PDLIM5: variants seen among roughly 807,000 people sequenced by gnomAD.
The protein encoded by PDLIM5 is PDZ and LIM domain 5.
A neutral mutation model predicts 64.2 loss-of-function variants in PDLIM5; 34 were observed. The observed-to-expected ratio is 0.53, with a 90% CI of 0.40 to 0.71. PDLIM5 has a LOEUF of 0.71. PDLIM5 is among the 30% of genes least tolerant of loss of function. PDLIM5 has a pLI of 0.00. For synonymous variants in PDLIM5, 253 were observed against 269.1 expected, an observed-to-expected ratio of 0.94 and a Z score of 0.59; for missense variants, 683 against 733.6, an observed-to-expected ratio of 0.93 and a Z score of 0.80.
chr4:94,500,102 A>G (rs954601370), intron 2 of PDLIM5, among the ~76,000 whole-genome samples: 1 of 152,176 alleles, frequency 6.6e-6, no homozygotes, highest in African/African-American at 2.4e-5. Flanking sequence ...GCATGACCAT[A>G]CTTTTCATAT....
At chr4:94,572,679 T>G (rs886564506) in intron 3 of PDLIM5, among the ~76,000 whole-genome samples, 3 of 152,206 alleles carry the variant, frequency 2.0e-5, no homozygotes, top group Non-Finnish European at 2.9e-5. Context: ...TCCACACTTA[T>G]TACTGATGAC....
In PDLIM5 at chr4:94,575,680, C is replaced by T. The variant is rs116676966; in HGVS notation, c.356C>T (p.Ser119Phe). The stretch of plus-strand genomic sequence containing the variant: ...TCTCCTGCTGTGTCCAAAGTCACTT[C>T]CACAAACAACATGGCCTACAATAAG... Reference protein sequence around the residue: ...ITSPAVSKVTSTNNMAYNKAP... With the variant: ...ITSPAVSKVTFTNNMAYNKAP... Residue 119 changes from serine to phenylalanine, a missense_variant, in exon 5 of 13, where the codon TCC becomes TTC. By Grantham distance (155) the Ser-to-Phe change is radical (BLOSUM62 -2). Coordinates refer to ENST00000317968, the MANE Select transcript of PDLIM5 (RefSeq NM_006457.5). 1 of 1,612,808 alleles carries T rather than the reference C, an allele frequency of 6.2e-7. No individual in the cohort carries two copies. Among genetic ancestry groups the T allele is most frequent in the Non-Finnish European group, 8.5e-7 (1 of 1,179,166 alleles).
At chr4:94,572,161 G>C (rs542093953) in intron 3 of PDLIM5, among the ~76,000 whole-genome samples, 3 of 152,166 alleles carry the variant, frequency 2.0e-5, no homozygotes, top group East Asian at 3.9e-4. Flanking sequence ...ATGGTTTATA[G>C]CTTAAAATGA....
intron 8 of PDLIM5, among the ~76,000 whole-genome samples, chr4:94,634,614 C>T (rs1324344661): frequency 6.6e-6 from 1 of 151,990 alleles, no homozygotes; most frequent in Non-Finnish European, 1.5e-5. Context: ...TTATTTGAAC[C>T]ACAGAATCAA....
intron 3 of PDLIM5, among the ~76,000 whole-genome samples, chr4:94,549,017 C>T (rs976699124): frequency 1.3e-5 from 2 of 151,812 alleles, no homozygotes; most frequent in African/African-American, 4.8e-5. Flanking sequence ...TACTCAGGAT[C>T]TACACGAGGT....
At chr4:94,504,452 A>G (rs1728210778) in intron 2 of PDLIM5, among the ~76,000 whole-genome samples, 1 of 151,728 alleles carries the variant, frequency 6.6e-6, no homozygotes, top group African/African-American at 2.4e-5. Context: ...ACGCCTGGCT[A>G]ATTTTTGTAT....
At chr4:94,621,274 A>G (rs1739221245) in intron 8 of PDLIM5, among the ~76,000 whole-genome samples, 1 of 152,138 alleles carries the variant, frequency 6.6e-6, no homozygotes, top group Non-Finnish European at 1.5e-5. Flanking sequence ...TTAGTCTCTG[A>G]AATTTCTGGA....
At chr4:94,577,506 A>C (rs190939607) in intron 5 of PDLIM5, 1 of 350,226 alleles carries the variant, frequency 2.9e-6, no homozygotes, top group East Asian at 8.1e-5. Flanking sequence ...AGTATCCTTC[A>C]AAAAAGAATG....
At chr4:94,536,240 T>C (rs74640623) in intron 3 of PDLIM5, among the ~76,000 whole-genome samples, 4 of 151,958 alleles carry the variant, frequency 2.6e-5, no homozygotes, top group Admixed American at 1.3e-4. Flanking sequence ...GTAGCAGAGA[T>C]AGAAAATCCC....
chr4:94,641,222 TC>T (rs2110460171), intron 9 of PDLIM5, among the ~76,000 whole-genome samples: 1 of 152,354 alleles, frequency 6.6e-6, no homozygotes, highest in African/African-American at 2.4e-5. Context: ...TCTCAAGCTC[TC>T]TTCTTTTTAA....
intron 2 of PDLIM5, among the ~76,000 whole-genome samples, chr4:94,475,117 G>C (rs1725210001): frequency 6.6e-6 from 1 of 150,986 alleles, no homozygotes; most frequent in African/African-American, 2.4e-5. Context: ...TTACCCTTTG[G>C]GTCAATGAAA....
intron 2 of PDLIM5, among the ~76,000 whole-genome samples, chr4:94,495,903 C>T (rs1727346537): frequency 6.6e-6 from 1 of 152,160 alleles, no homozygotes; most frequent in South Asian, 2.1e-4. Flanking sequence ...CCTGAATAGC[C>T]TGCTATGCAG....
intron 11 of PDLIM5, among the ~76,000 whole-genome samples, chr4:94,661,208 C>T (rs6822544): frequency 0.3 from 46,229 of 151,892 alleles, 7,376 homozygotes; most frequent in Non-Finnish European, 0.36. Context: ...GGGCAGCCTA[C>T]GAAGACCCTG....
intron 3 of PDLIM5, among the ~76,000 whole-genome samples, chr4:94,568,619 G>A: frequency 6.6e-6 from 1 of 150,928 alleles, no homozygotes; most frequent in Non-Finnish European, 1.5e-5. Flanking sequence ...GTGGACATGA[G>A]GCACAATGGG....
In PDLIM5 at chr4:94,665,497, AAAAAAAAAAGAG is replaced by A. The variant is rs1294716808; in HGVS notation, c.*1432_*1443del. On this transcript the variant is annotated 3_prime_UTR_variant, in exon 13 of 13. Transcript: ENST00000317968. The stretch of plus-strand genomic sequence containing the variant: ...TCCGGCTCTTAAAAAAAAAAAAAAA[AAAAAAAAAAGAG>A]AGAGAGAGAATAAATAGAAAAGAAT... The A allele has an allele frequency of 2.9e-5, 23 of 790,372 alleles. No homozygotes were observed. Among genetic ancestry groups the A allele is most frequent in the Non-Finnish European group, 3.2e-5 (21 of 658,528 alleles). The allele number at this position is 790,372 out of a possible 1,614,324, so 49.0% of individuals were successfully genotyped here. A position where few individuals can be genotyped will look rare whatever the true frequency, so the allele number is the denominator to read the frequency against.
chr4:94,529,792 T>G (rs1730696787), intron 3 of PDLIM5, among the ~76,000 whole-genome samples: 1 of 152,178 alleles, frequency 6.6e-6, no homozygotes, highest in Non-Finnish European at 1.5e-5. Context: ...TGAAACTAAT[T>G]CTAGGAGTAC....
chr4:94,549,916 A>G (rs1360756005), intron 3 of PDLIM5: 2 of 152,112 alleles, frequency 1.3e-5, no homozygotes, highest in African/African-American at 4.8e-5. Flanking sequence ...CTCCGTCTCA[A>G]GAAAAAAAAA....
intron 7 of PDLIM5, among the ~76,000 whole-genome samples, chr4:94,589,825 A>C (rs1304373578): frequency 2.0e-5 from 3 of 149,608 alleles, no homozygotes; most frequent in Non-Finnish European, 4.4e-5. Context: ...CCCAGGCTGG[A>C]GTGCGATGGT....
At chr4:94,465,431 C>T (rs560255744) in intron 2 of PDLIM5, among the ~76,000 whole-genome samples, 32 of 152,188 alleles carry the variant, frequency 2.1e-4, no homozygotes, top group Admixed American at 1.1e-3. Context: ...GATGGAGTCT[C>T]GCTCTGTCAC....
Sources: allele counts gnomAD v4.1 joint callset (sites outside exome capture counted in the v4.1 genomes callset), GRCh38; gene constraint gnomAD v4.1.1; transcripts MANE v1.5; gene names NCBI Gene and HGNC (gene_info 2026-07-23, HGNC 2026-07-21).